The following CELF5 variants were observed in gnomAD, a reference collection of about 807,000 sequenced individuals.
CELF5 encodes the protein CUGBP Elav-like family member 5.
Under a neutral mutation model 54.9 loss-of-function variants are expected in CELF5, and 6 were observed. The observed-to-expected ratio is 0.11, with a 90% CI of 0.06 to 0.22. CELF5 has a LOEUF of 0.22. CELF5 is among the 10% of genes least tolerant of loss of function. CELF5 has a pLI of 1.00. For synonymous variants in CELF5, 271 were observed against 290.9 expected (o/e 0.93, Z 0.70); for missense variants, 401 against 678.6 (o/e 0.59, Z 4.54).
chr19:3,228,533 G>A lies in CELF5; in HGVS notation c.259+3535G>A, dbSNP rs1215699517. ...GTCCGCCGCTGCCACTGGGCCCCCC[G>A]TTTATGGTAATCGCATATACATTTG... On this transcript the variant is annotated intron_variant, in intron 1 of 12. Transcript: ENST00000292672. The surrounding 1 kb of genome is among the most constrained non-coding windows in gnomAD (Gnocchi z 6.0). Among the ~76,000 whole-genome samples, 1 of 151,358 alleles carries A rather than the reference G, an allele frequency of 6.6e-6. No individual in the cohort carries two copies. The highest frequency in any genetic ancestry group is 1.5e-5 in the Non-Finnish European group (1 of 67,822).
chr19:3,256,902 G>A (rs2079735578), intron 2 of CELF5, among the ~76,000 whole-genome samples: 1 of 152,038 alleles, frequency 6.6e-6, no homozygotes, highest in Non-Finnish European at 1.5e-5. Flanking sequence ...GTTTTGCTGT[G>A]TCGCCCAGGT....
At chr19:3,285,417 A>C (rs1285732616) in intron 9 of CELF5, among the ~76,000 whole-genome samples, 3 of 145,042 alleles carry the variant, frequency 2.1e-5, no homozygotes, top group Admixed American at 1.4e-4. Context: ...CTACTTCTTA[A>C]GGCCTGGCTG....
chr19:3,227,445 C>T (rs1053887343), intron 1 of CELF5, among the ~76,000 whole-genome samples: 29 of 152,058 alleles, frequency 1.9e-4, no homozygotes, highest in Non-Finnish European at 3.8e-4. Context: ...TGTGCCTGTT[C>T]AGAGTGGCAG....
chr19:3,239,308 C>T (rs2079458760), intron 1 of CELF5, among the ~76,000 whole-genome samples: 1 of 151,588 alleles, frequency 6.6e-6, no homozygotes, highest in South Asian at 2.1e-4. Flanking sequence ...CTACATTGCC[C>T]AGGCTGGTGC....
chr19:3,292,517 C>T (rs1269249055), intron 11 of CELF5, among the ~76,000 whole-genome samples: 2 of 152,092 alleles, frequency 1.3e-5, no homozygotes, highest in East Asian at 3.9e-4. Context: ...CTCCTGACCT[C>T]AGGTGATCTG....
chr19:3,264,716 T>A (rs1599439288), intron 2 of CELF5, among the ~76,000 whole-genome samples: 1 of 74,454 alleles, frequency 1.3e-5, no homozygotes. Context: ...ACACCCGGCC[T>A]TTTTTTTTTT....
chr19:3,253,247 C>T (rs1415639603), intron 2 of CELF5, among the ~76,000 whole-genome samples: 2 of 152,136 alleles, frequency 1.3e-5, no homozygotes, highest in African/African-American at 4.8e-5. Flanking sequence ...TGCTGCATAA[C>T]AAATTATCCC....
chr19:3,239,505 G>A (rs1221341239), intron 1 of CELF5, among the ~76,000 whole-genome samples: 1 of 151,806 alleles, frequency 6.6e-6, no homozygotes, highest in Non-Finnish European at 1.5e-5. Context: ...CGAGTACCTG[G>A]GACTACAGAT....
rs778398834 is a variant in CELF5 at position 3,273,858 on chromosome 19, C to T, written c.343-14C>T. 170 of 1,612,676 alleles carry T rather than the reference C, an allele frequency of 1.1e-4. No individual in the cohort carries two copies. Among genetic ancestry groups the T allele is most frequent in the Middle Eastern group, 1.6e-4 (1 of 6,072 alleles). ...CTGCTAAGCTTGACTTTTCCCTTCCCCCTCTCTCTGCAGATGGCGCGGCCA... is the reference window on the plus strand; with the variant it reads ...CTGCTAAGCTTGACTTTTCCCTTCCTCCTCTCTCTGCAGATGGCGCGGCCA... On this transcript the variant is annotated splice_polypyrimidine_tract_variant and intron_variant, in intron 2 of 12. Coordinates refer to ENST00000292672, the MANE Select transcript of CELF5 (RefSeq NM_021938.4).
intron 1 of CELF5, chr19:3,225,480 C>CCCCCAAAA: frequency 1.5e-6 from 1 of 670,804 alleles, no homozygotes; most frequent in Non-Finnish European, 1.8e-6. Context: ...CCCCCACCCC[C>CCCCCAAAA]ATTCATTCAG....
chr19:3,285,005 G>T (rs540825069), intron 9 of CELF5, 41 bp downstream of exon 9: 1 of 1,502,230 alleles, frequency 6.7e-7, no homozygotes, highest in Non-Finnish European at 9.1e-7. Flanking sequence ...CCCTGGCCCC[G>T]CCCCCGCCTA....
chr19:3,292,654 A>G (rs539647159), intron 11 of CELF5, among the ~76,000 whole-genome samples: 1 of 152,220 alleles, frequency 6.6e-6, no homozygotes, highest in South Asian at 2.1e-4. Context: ...ATGGAGAGAA[A>G]GAGACAGAGA....
intron 1 of CELF5, among the ~76,000 whole-genome samples, chr19:3,245,965 A>G (rs561420354): frequency 1.4e-4 from 21 of 152,356 alleles, no homozygotes; most frequent in African/African-American, 4.3e-4. Flanking sequence ...AGCCCGACAT[A>G]GGCACAACCC....
intron 2 of CELF5, among the ~76,000 whole-genome samples, chr19:3,261,328 G>T (rs1196315889): frequency 6.6e-6 from 1 of 151,926 alleles, no homozygotes; most frequent in Admixed American, 6.6e-5. Context: ...TGAGGCAGGA[G>T]AATTGCTTGA....
At chr19:3,245,117 ATG>A (rs1188316170) in intron 1 of CELF5, among the ~76,000 whole-genome samples, 9 of 125,230 alleles carry the variant, frequency 7.2e-5, no homozygotes, top group Admixed American at 5.7e-4. Flanking sequence ...GCACCTGTGC[ATG>A]TGTGTGTGTA....
At chr19:3,279,901 C>T (rs1456416004) in intron 5 of CELF5, among the ~76,000 whole-genome samples, 2 of 152,216 alleles carry the variant, frequency 1.3e-5, no homozygotes, top group East Asian at 3.9e-4. Context: ...CGGGGTTTCA[C>T]CATGTTGGTC....
At chr19:3,288,305 TGA>T (rs2080286544) in intron 10 of CELF5, among the ~76,000 whole-genome samples, 1 of 151,938 alleles carries the variant, frequency 6.6e-6, no homozygotes, top group Non-Finnish European at 1.5e-5. Context: ...GCAGATTGCC[TGA>T]GGTTGGGAGT....
chr19:3,258,169 A>G (rs924343584), intron 2 of CELF5, among the ~76,000 whole-genome samples: 1 of 151,006 alleles, frequency 6.6e-6, no homozygotes, highest in Non-Finnish European at 1.5e-5. Context: ...TGTTGGCCAG[A>G]CTGGTCTCCA....
intron 2 of CELF5, among the ~76,000 whole-genome samples, chr19:3,271,744 T>G (rs2079968670): frequency 6.6e-6 from 1 of 151,782 alleles, no homozygotes; most frequent in South Asian, 2.1e-4. Flanking sequence ...CAGAGGGGTC[T>G]CTGAGGAGGG....
Sources: allele counts gnomAD v4.1 joint callset (sites outside exome capture counted in the v4.1 genomes callset), GRCh38; gene constraint gnomAD v4.1.1; non-coding constraint Gnocchi (gnomAD v3.1); transcripts MANE v1.5; gene names NCBI Gene and HGNC (gene_info 2026-07-23, HGNC 2026-07-21).